EFNA5: variants seen among roughly 807,000 people sequenced by gnomAD.
The protein encoded by EFNA5 is ephrin A5, also known as ephrin-A5.
In EFNA5, 5 loss-of-function variants were observed where a neutral mutation model predicts 22.9. The ratio of observed to expected loss-of-function variants is 0.22; its 90% CI spans 0.11 to 0.46. The LOEUF is 0.46. EFNA5 is among the 20% of genes least tolerant of loss of function. The probability of loss-of-function intolerance (pLI) is 0.99; values close to 1 mark genes in which losing one functional copy is unlikely to be tolerated. For missense variants in EFNA5, 237 were observed against 293.3 expected (o/e 0.81, Z 1.40); for synonymous variants, 113 against 112.2 (o/e 1.01, Z -0.04).
intron 1 of EFNA5, among the ~76,000 whole-genome samples, chr5:107,583,055 C>G (rs34950197): frequency 0.27 from 41,680 of 151,932 alleles, 6,060 homozygotes; most frequent in Middle Eastern, 0.35. Context: ...GTCATGTATA[C>G]AACATTTATA....
intron 1 of EFNA5, among the ~76,000 whole-genome samples, chr5:107,485,094 G>A (rs1260925487): frequency 6.6e-6 from 1 of 151,794 alleles, no homozygotes; most frequent in East Asian, 1.9e-4. Flanking sequence ...AAGAAAAAAG[G>A]TAGGAAATAC....
At chr5:107,630,777 C>T (rs1389158542) in intron 1 of EFNA5, among the ~76,000 whole-genome samples, 1 of 152,074 alleles carries the variant, frequency 6.6e-6, no homozygotes. Flanking sequence ...TACCACTTAG[C>T]TTGAAACACA....
intron 1 of EFNA5, among the ~76,000 whole-genome samples, chr5:107,625,351 T>C (rs1485033514): frequency 6.6e-6 from 1 of 152,042 alleles, no homozygotes; most frequent in Non-Finnish European, 1.5e-5. Context: ...AAAGAATGAT[T>C]ATTGAATTCA....
intron 1 of EFNA5, among the ~76,000 whole-genome samples, chr5:107,439,122 A>G (rs151958): frequency 0.25 from 37,519 of 151,966 alleles, 4,957 homozygotes; most frequent in East Asian, 0.54. Context: ...GCATTTGGAG[A>G]CAGGGTCTTT....
intron 1 of EFNA5, among the ~76,000 whole-genome samples, chr5:107,532,762 A>T (rs954091272): frequency 2.0e-5 from 3 of 152,192 alleles, no homozygotes; most frequent in African/African-American, 7.2e-5. Context: ...CTGGTTGCCA[A>T]ATATGCTGGC....
intron 1 of EFNA5, among the ~76,000 whole-genome samples, chr5:107,539,686 T>C (rs1748004541): frequency 6.6e-6 from 1 of 152,086 alleles, no homozygotes; most frequent in Non-Finnish European, 1.5e-5. Flanking sequence ...CTCAAACTCC[T>C]GACCTCATGA....
At chr5:107,395,895 C>G (rs1411340033) in intron 2 of EFNA5, among the ~76,000 whole-genome samples, 1 of 152,200 alleles carries the variant, frequency 6.6e-6, no homozygotes, top group African/African-American at 2.4e-5. Flanking sequence ...TTCCTAGAAT[C>G]CCACAAGAGG....
At position 107,453,789 on chromosome 5, in the gene EFNA5, T is replaced by C. The variant is rs75662026; in HGVS notation, c.126-26280A>G. Reference sequence around the variant, plus strand: ...ATTATTGAAATACTTGTTGATATGATTCAAGAGTGCTCAAGGCCATCTGAT... The same window carrying C: ...ATTATTGAAATACTTGTTGATATGACTCAAGAGTGCTCAAGGCCATCTGAT... On this transcript the variant is annotated intron_variant, in intron 1 of 4. Coordinates refer to ENST00000333274, the MANE Select transcript of EFNA5 (RefSeq NM_001962.3). Among the ~76,000 whole-genome samples the C allele has an allele frequency of 2.0e-3, 311 of 152,252 alleles. 1 individual carries two copies. The highest frequency in any genetic ancestry group is 6.7e-3 in the African/African-American group (280 of 41,544).
chr5:107,390,550 G>C (rs1327628336), intron 2 of EFNA5, among the ~76,000 whole-genome samples: 1 of 152,126 alleles, frequency 6.6e-6, no homozygotes, highest in African/African-American at 2.4e-5. Flanking sequence ...GGATGGAAAT[G>C]AGGGAGTAAA....
At chr5:107,582,415 T>A (rs1036351568) in intron 1 of EFNA5, among the ~76,000 whole-genome samples, 2 of 152,168 alleles carry the variant, frequency 1.3e-5, no homozygotes, top group African/African-American at 4.8e-5. Context: ...CTACAAATAG[T>A]AAGTGATTCA....
At chr5:107,413,572 G>T (rs1748426477) in intron 2 of EFNA5, among the ~76,000 whole-genome samples, 1 of 152,100 alleles carries the variant, frequency 6.6e-6, no homozygotes, top group African/African-American at 2.4e-5. Context: ...CTTCGAAACT[G>T]TTGGTCCAAA....
intron 1 of EFNA5, among the ~76,000 whole-genome samples, chr5:107,569,559 T>TTATATATATATATATATATATATA (rs70996962): frequency 9.4e-5 from 4 of 42,526 alleles, no homozygotes; most frequent in African/African-American, 2.0e-4. Flanking sequence ...ATATATATAT[T>TTATATATATATATATATATATATA]TATATATATA....
intron 1 of EFNA5, among the ~76,000 whole-genome samples, chr5:107,437,330 T>C (rs10491389): frequency 0.016 from 2,461 of 152,318 alleles, 63 homozygotes; most frequent in African/African-American, 0.056. Flanking sequence ...GCTGTTTCTA[T>C]GGAAATTGGC....
chr5:107,449,523 C>T (rs761159536), intron 1 of EFNA5, among the ~76,000 whole-genome samples: 1 of 149,912 alleles, frequency 6.7e-6, no homozygotes, highest in Non-Finnish European at 1.5e-5. Context: ...GCCCCCCCAA[C>T]TACACCTGCT....
At position 107,398,878 on chromosome 5, in the gene EFNA5, C is replaced by A. The variant is rs1320293200; in HGVS notation, c.419-11107G>T. Among the ~76,000 whole-genome samples, 20 of 131,384 alleles carry A rather than the reference C, an allele frequency of 1.5e-4. No homozygotes were observed. The East Asian group carries it at 2.0e-3, about 13-fold the overall frequency. The allele number at this position is 131,384 out of a possible 152,430, so 86.2% of individuals were successfully genotyped here. On this transcript the variant is annotated intron_variant, in intron 2 of 4. Coordinates refer to ENST00000333274, the MANE Select transcript of EFNA5 (RefSeq NM_001962.3). ...TCAAAAAAAAAAAAAAAAAAAAAATCTTCTAGCTGCAACGTGATTTGTTGA... is the reference window on the plus strand; with the variant it reads ...TCAAAAAAAAAAAAAAAAAAAAAATATTCTAGCTGCAACGTGATTTGTTGA...
intron 1 of EFNA5, among the ~76,000 whole-genome samples, chr5:107,644,085 T>G (rs1010256495): frequency 6.6e-6 from 1 of 152,128 alleles, no homozygotes; most frequent in Non-Finnish European, 1.5e-5. Flanking sequence ...GGGAAAAGTC[T>G]TTTCATCTCA....
At chr5:107,612,797 CAG>C (rs201927800) in intron 1 of EFNA5, among the ~76,000 whole-genome samples, 4,473 of 152,202 alleles carry the variant, frequency 0.029, 111 homozygotes, top group Non-Finnish European at 0.043. Context: ...GAGAATGGAA[CAG>C]AGTCACTATG....
At chr5:107,546,248 T>C (rs1183482513) in intron 1 of EFNA5, among the ~76,000 whole-genome samples, 1 of 152,192 alleles carries the variant, frequency 6.6e-6, no homozygotes. Flanking sequence ...CTAGCACTGG[T>C]GCGGCTGCTC....
At chr5:107,543,903 C>T (rs534566550) in intron 1 of EFNA5, among the ~76,000 whole-genome samples, 6 of 152,218 alleles carry the variant, frequency 3.9e-5, no homozygotes, top group South Asian at 4.2e-4. Context: ...CCATAGATTC[C>T]GAAGATTAAA....
Sources: allele counts gnomAD v4.1 joint callset (sites outside exome capture counted in the v4.1 genomes callset), GRCh38; gene constraint gnomAD v4.1.1; transcripts MANE v1.5; gene names NCBI Gene and HGNC (gene_info 2026-07-23, HGNC 2026-07-21).